NWD2: variants seen among roughly 807,000 people sequenced by gnomAD.
The protein encoded by NWD2 is NACHT and WD repeat domain-containing protein 2.
NWD2 carries 37 observed loss-of-function variants against 132.7 expected under a neutral mutation model. The ratio of observed to expected loss-of-function variants is 0.28; its 90% confidence interval spans 0.21 to 0.37. NWD2 has a LOEUF of 0.37. Ranked by LOEUF, NWD2 falls within the 10% of genes least tolerant of loss-of-function variation. NWD2 has a pLI of 1.00. For synonymous variants in NWD2, 705 were observed against 803.0 expected (o/e 0.88, Z 2.06); for missense variants, 1,592 against 2,122.4 (o/e 0.75, Z 4.91).
intron 3 of NWD2, among the ~76,000 whole-genome samples, chr4:37,383,694 C>T (rs556484580): frequency 7.0e-4 from 106 of 152,334 alleles, no homozygotes; most frequent in Admixed American, 3.1e-3. Flanking sequence ...TCATATCACA[C>T]CTGCCCACAT....
intron 1 of NWD2, among the ~76,000 whole-genome samples, chr4:37,323,801 G>C (rs1719115856): frequency 2.0e-5 from 3 of 151,520 alleles, no homozygotes; most frequent in Admixed American, 2.0e-4. Context: ...GTGCCCATCA[G>C]TGGTGAATTA....
At chr4:37,354,831 A>G (rs1369868377) in intron 2 of NWD2, among the ~76,000 whole-genome samples, 1 of 152,208 alleles carries the variant, frequency 6.6e-6, no homozygotes, top group Non-Finnish European at 1.5e-5. Flanking sequence ...CATGTAAAAC[A>G]CCTGGAAAGA....
intron 3 of NWD2, among the ~76,000 whole-genome samples, chr4:37,394,979 AT>A (rs11406592): frequency 8.1e-5 from 12 of 148,626 alleles, no homozygotes; most frequent in Admixed American, 2.7e-4. Context: ...TGCCCAGCTA[AT>A]TTTTTTTTTT....
Position 37,447,255 on chromosome 4 carries a change from C to T in NWD2, c.*38C>T, listed in dbSNP as rs892438093. 30 of 1,451,834 alleles carry T rather than the reference C, an allele frequency of 2.1e-5. No homozygotes were observed. Among genetic ancestry groups the T allele is most frequent in the Non-Finnish European group, 2.5e-5 (27 of 1,079,974 alleles). 89.9% of individuals were successfully genotyped at this position (1,451,834 alleles called of 1,614,324 possible). Reference sequence around the variant, plus strand: ...CAGCTAAGCAGAAATATGTGATCCACGTACAGAAGGGAAAAAAATGTGCCC... The same window carrying T: ...CAGCTAAGCAGAAATATGTGATCCATGTACAGAAGGGAAAAAAATGTGCCC... On this transcript the variant is annotated 3_prime_UTR_variant, in exon 7 of 7. Coordinates refer to ENST00000309447, the MANE Select transcript of NWD2 (RefSeq NM_001144990.2).
At chr4:37,288,561 T>G (rs1222071193) in intron 1 of NWD2, among the ~76,000 whole-genome samples, 5 of 152,198 alleles carry the variant, frequency 3.3e-5, no homozygotes, top group Admixed American at 3.3e-4. Context: ...CAACCTAATT[T>G]ATGTATTAAT....
intron 2 of NWD2, among the ~76,000 whole-genome samples, chr4:37,342,817 C>T (rs960559525): frequency 6.6e-5 from 10 of 152,134 alleles, no homozygotes; most frequent in South Asian, 2.1e-4. Context: ...AGAAGGCTTT[C>T]GATGAAGCAT....
intron 2 of NWD2, among the ~76,000 whole-genome samples, chr4:37,331,633 G>A (rs1719293855): frequency 6.6e-6 from 1 of 152,222 alleles, no homozygotes; most frequent in African/African-American, 2.4e-5. Context: ...CATAGAGCAA[G>A]ATGACCAAAT....
intron 1 of NWD2, among the ~76,000 whole-genome samples, chr4:37,322,668 C>T (rs922143928): frequency 1.3e-5 from 2 of 152,036 alleles, no homozygotes; most frequent in African/African-American, 2.4e-5. Flanking sequence ...TCTGGTTGCT[C>T]CATGGAGAAT....
chr4:37,265,608 A>G (rs1176371446), intron 1 of NWD2, among the ~76,000 whole-genome samples: 2 of 151,920 alleles, frequency 1.3e-5, no homozygotes, highest in Non-Finnish European at 2.9e-5. Context: ...CTCCATCTTC[A>G]GTGCCAGTAG....
chr4:37,433,756 A>C (rs765945624), intron 4 of NWD2, 120 bp from the exon 5 acceptor site: 3 of 676,742 alleles, frequency 4.4e-6, no homozygotes, highest in Non-Finnish European at 7.2e-6. Flanking sequence ...ACTGTCTGTA[A>C]AGCACCTATC....
At chr4:37,414,764 G>A (rs2109320460) in intron 3 of NWD2, among the ~76,000 whole-genome samples, 1 of 152,122 alleles carries the variant, frequency 6.6e-6, no homozygotes, top group African/African-American at 2.4e-5. Context: ...ATACAATGGT[G>A]GATTATTGAT....
intron 1 of NWD2, among the ~76,000 whole-genome samples, chr4:37,253,628 A>T (rs1411178344): frequency 6.6e-6 from 1 of 152,084 alleles, no homozygotes; most frequent in Non-Finnish European, 1.5e-5. Flanking sequence ...GCTACTAAAG[A>T]TAATAGCAGG....
chr4:37,316,959 C>A (rs911609339), intron 1 of NWD2, among the ~76,000 whole-genome samples: 17 of 152,138 alleles, frequency 1.1e-4, no homozygotes, highest in Non-Finnish European at 2.5e-4. Flanking sequence ...ATCTATTCCC[C>A]ACAATATGTG....
chr4:37,411,326 C>T (rs962334626), intron 3 of NWD2, among the ~76,000 whole-genome samples: 1 of 152,158 alleles, frequency 6.6e-6, no homozygotes, highest in Non-Finnish European at 1.5e-5. Flanking sequence ...CACAGAAATA[C>T]AAACTACTAT....
intron 1 of NWD2, among the ~76,000 whole-genome samples, chr4:37,284,255 G>T (rs1369691592): frequency 6.6e-6 from 1 of 152,192 alleles, no homozygotes; most frequent in Non-Finnish European, 1.5e-5. Flanking sequence ...AGGAGCAACA[G>T]AACTCTCTCT....
Position 37,446,390 on chromosome 4 carries a change from A to G in NWD2, c.4402A>G (p.Ser1468Gly), listed in dbSNP as rs1712635829. ...GTTGGCAGTCAGTCTTTGGACAGGA[A>G]GTATCACCAAGAAATTTTGCTGTGA... The part of the protein sequence containing the change: ...KVLAVSLWTG[S>G]ITKKFCCEDG... Residue 1468 changes from serine to glycine, a missense_variant, in exon 7 of 7, where the codon AGT becomes GGT. Transcript: ENST00000309447. This position sits in a 1 kb window ranked among gnomAD's most constrained non-coding sequence, Gnocchi z 6.7. The G allele has an allele frequency of 6.4e-7, 1 of 1,551,816 alleles. No homozygotes were observed. Among genetic ancestry groups the G allele is most frequent in the Non-Finnish European group, 8.7e-7 (1 of 1,147,024 alleles).
chr4:37,429,849 G>A (rs1432382742), intron 3 of NWD2, among the ~76,000 whole-genome samples: 2 of 152,124 alleles, frequency 1.3e-5, no homozygotes, highest in Non-Finnish European at 2.9e-5. Flanking sequence ...AGAAAAAAAT[G>A]CCAAGTAAAA....
chr4:37,399,879 A>G (rs1488654089), intron 3 of NWD2, among the ~76,000 whole-genome samples: 2 of 152,298 alleles, frequency 1.3e-5, no homozygotes, highest in African/African-American at 4.8e-5. Context: ...AATTCTAGGG[A>G]GAGGCCCGGT....
chr4:37,370,133 CAACTT>C (rs1720185023), intron 3 of NWD2, among the ~76,000 whole-genome samples: 1 of 152,160 alleles, frequency 6.6e-6, no homozygotes. Flanking sequence ...TAATTTGAGA[CAACTT>C]AAATATATTA....
Sources: gnomAD v4.1 joint callset for allele counts (sites outside exome capture counted in the v4.1 genomes callset) on GRCh38, gnomAD v4.1.1 for gene constraint, Gnocchi (gnomAD v3.1) non-coding constraint, MANE v1.5 for transcripts, NCBI Gene and HGNC (gene_info 2026-07-23, HGNC 2026-07-21) for gene names.